The following STOX1 variants were observed in gnomAD, a reference collection of about 807,000 sequenced individuals.
STOX1 encodes the protein storkhead-box protein 1.
In STOX1, 57 loss-of-function variants were observed where a neutral mutation model predicts 74.8. The ratio of observed to expected loss-of-function variants is 0.76; its 90% CI spans 0.62 to 0.95. The LOEUF is 0.95. Ranked by LOEUF, STOX1 falls within the 40% of genes least tolerant of loss-of-function variation. The pLI is 0.00. For synonymous variants in STOX1, 375 were observed against 401.3 expected (o/e 0.93, Z 0.78); for missense variants, 1,010 against 1,117.0 (o/e 0.90, Z 1.37).
rs895010126 is a variant in STOX1 at position 68,851,998 on chromosome 10, G to A, written c.310+24065G>A. ...AAAATACAAAAATTAGCCAGGCGTG[G>A]TGGTGAATGCCTGTAATGCCAGCTA... On this transcript the variant is annotated intron_variant, in intron 1 of 3. Transcript: ENST00000298596. Among the ~76,000 whole-genome samples the A allele has an allele frequency of 8.5e-5, 13 of 152,238 alleles. No individual in the cohort carries two copies. In the South Asian group the frequency reaches 1.2e-3, roughly 15 times the overall value.
rs895665990 is a variant in STOX1 at position 68,827,541 on chromosome 10, G to C, written c.-83G>C. 44 of 951,986 alleles carry C rather than the reference G, an allele frequency of 4.6e-5. No homozygotes were observed. The highest frequency in any genetic ancestry group is 5.4e-5 in the Non-Finnish European group (42 of 775,474). The allele number at this position is 951,986 out of a possible 1,614,324, so 59.0% of individuals were successfully genotyped here. A position where few individuals can be genotyped will look rare whatever the true frequency, so the allele number is the denominator to read the frequency against. ...GCCGCGGACCCGCGCGCAGTCGGCC[G>C]ATCCTCCCGCCGAGCGAGCGGCGTC... is the stretch of plus-strand genomic sequence containing the variant. On this transcript the variant is annotated 5_prime_UTR_variant, in exon 1 of 4. Transcript: ENST00000298596.
chr10:68,855,754 A>G (rs539318388), intron 1 of STOX1, among the ~76,000 whole-genome samples: 167 of 134,206 alleles, frequency 1.2e-3, no homozygotes, highest in Non-Finnish European at 2.3e-3. Flanking sequence ...TAAAAAAAGG[A>G]AAAAAAAAAC....
chr10:68,848,678 G>GT (rs1353998871), intron 1 of STOX1, among the ~76,000 whole-genome samples: 1 of 152,078 alleles, frequency 6.6e-6, no homozygotes, highest in Non-Finnish European at 1.5e-5. Context: ...GTTTTGTTTT[G>GT]TTTTTTGAGA....
At chr10:68,838,347 G>A (rs768808798) in intron 1 of STOX1, among the ~76,000 whole-genome samples, 11 of 152,134 alleles carry the variant, frequency 7.2e-5, no homozygotes, top group African/African-American at 1.7e-4. Context: ...GATTACAGGC[G>A]TGAGCTAGGA....
chr10:68,859,776 C>T (rs946967150), intron 1 of STOX1, among the ~76,000 whole-genome samples: 2 of 151,930 alleles, frequency 1.3e-5, no homozygotes, highest in African/African-American at 4.8e-5. Flanking sequence ...AAGTAGGTAG[C>T]CTGGGTGAGC....
intron 1 of STOX1, among the ~76,000 whole-genome samples, chr10:68,856,469 C>G (rs758757515): frequency 1.3e-5 from 2 of 152,030 alleles, no homozygotes. Flanking sequence ...GTCTGCATTC[C>G]TCAGCATCCG....
At chr10:68,843,985 C>T (rs1271343219) in intron 1 of STOX1, among the ~76,000 whole-genome samples, 1 of 152,002 alleles carries the variant, frequency 6.6e-6, no homozygotes, top group East Asian at 2.0e-4. Context: ...TCGAGACCAT[C>T]CTGGCTAACA....
At chr10:68,840,655 G>C (rs1012585628) in intron 1 of STOX1, among the ~76,000 whole-genome samples, 23 of 151,824 alleles carry the variant, frequency 1.5e-4, no homozygotes, top group African/African-American at 5.6e-4. Flanking sequence ...CCACCATCCT[G>C]CTTCAAGCGA....
At chr10:68,891,960 A>G (rs1200426278) in intron 3 of STOX1, among the ~76,000 whole-genome samples, 3 of 151,910 alleles carry the variant, frequency 2.0e-5, no homozygotes, top group Non-Finnish European at 4.4e-5. Flanking sequence ...AGCTGAGATT[A>G]CAGGTGTGCA....
intron 1 of STOX1, among the ~76,000 whole-genome samples, chr10:68,849,078 G>A (rs1283465689): frequency 6.6e-6 from 1 of 152,178 alleles, no homozygotes; most frequent in East Asian, 1.9e-4. Flanking sequence ...TCACTCTGGA[G>A]CATATCCTTC....
downstream of STOX1, chr10:68,893,083 T>C (rs534181784): frequency 7.4e-5 from 18 of 242,088 alleles, no homozygotes; most frequent in South Asian, 8.4e-4. Context: ...AATTTTTTTT[T>C]AACCTACACT....
chr10:68,851,753 A>G (rs958882909), intron 1 of STOX1, among the ~76,000 whole-genome samples: 2 of 152,078 alleles, frequency 1.3e-5, no homozygotes, highest in African/African-American at 4.8e-5. Flanking sequence ...AGGCAGAAGA[A>G]TTGCTTGAAC....
At chr10:68,832,112 G>C (rs566803527) in intron 1 of STOX1, among the ~76,000 whole-genome samples, 6 of 152,176 alleles carry the variant, frequency 3.9e-5, no homozygotes, top group Admixed American at 2.0e-4. Context: ...TTTCACAAAT[G>C]AAAGAGTGAG....
intron 1 of STOX1, among the ~76,000 whole-genome samples, chr10:68,843,184 G>A (rs980250305): frequency 1.3e-5 from 2 of 152,204 alleles, no homozygotes; most frequent in Admixed American, 6.5e-5. Context: ...GACTGTAGGC[G>A]TGGGCCACCA....
chr10:68,886,173 G>A lies in STOX1; in HGVS notation c.2377G>A (p.Val793Met), dbSNP rs769598455. 80 of 1,614,042 alleles carry A rather than the reference G, an allele frequency of 5.0e-5. No homozygotes were observed. Among genetic ancestry groups the A allele is most frequent in the Non-Finnish European group, 8.5e-6 (10 of 1,180,028 alleles). ...CACAATGGAGAGGGTTGAGTCTCAG[G>A]TGCTTAAAAGAAATGAATGCTACAA... Reference protein sequence around the residue: ...NSTMERVESQVLKRNECYKPT... With the variant: ...NSTMERVESQMLKRNECYKPT... Residue 793 changes from valine to methionine, a missense_variant, in exon 3 of 4, where the codon GTG becomes ATG. By Grantham distance (21) the Val-to-Met change is conservative. Transcript: ENST00000298596.
rs1839295073 is a variant in STOX1 at position 68,827,702 on chromosome 10, G to A, written c.79G>A (p.Ala27Thr). ...GCTGGAGGCGCAGAAGGCGGCGGGGGCCGCGGAGGAGCCTGGTGGGCGCGC... is the reference window on the plus strand; with the variant it reads ...GCTGGAGGCGCAGAAGGCGGCGGGGACCGCGGAGGAGCCTGGTGGGCGCGC... The part of the protein sequence containing the change: ...CRLEAQKAAG[A>T]AEEPGGRAVF... Residue 27 changes from alanine (A) to threonine (T), a missense_variant, in exon 1 of 4, where the codon GCC (alanine) becomes ACC (threonine). Transcript: ENST00000298596. 4 of 929,812 alleles carry A rather than the reference G, an allele frequency of 4.3e-6. No homozygotes were observed. Among genetic ancestry groups the A allele is most frequent in the Non-Finnish European group, 2.7e-6 (2 of 746,668 alleles). The allele number at this position is 929,812 out of a possible 1,614,324, so 57.6% of individuals were successfully genotyped here.
chr10:68,892,567 C>G (rs758382717), intron 3 of STOX1, 22 bp from the exon 4 acceptor site: 6 of 1,610,702 alleles, frequency 3.7e-6, no homozygotes, highest in Non-Finnish European at 5.1e-6. Flanking sequence ...GCCAATAATT[C>G]TGTTATTTTT....
chr10:68,859,822 G>A (rs752971060), intron 1 of STOX1, among the ~76,000 whole-genome samples: 76 of 152,096 alleles, frequency 5.0e-4, no homozygotes, highest in Non-Finnish European at 6.9e-4. Context: ...TTGGGCCTTT[G>A]ATTTCTGCTT....
At position 68,886,406 on chromosome 10, in the gene STOX1, A is replaced by G. The variant is rs1463117344; in HGVS notation, c.2610A>G (p.Ile870Met). 1.9e-6 allele frequency: 3 copies of G among 1,614,264 alleles called. No individual in the cohort carries two copies. Among genetic ancestry groups the G allele is most frequent in the East Asian group, 4.5e-5 (2 of 44,892 alleles). ...ARKASFEAEV[I>M]QDTIGDTGKK... ...AAGCCAGTTTTGAAGCTGAAGTCATACAAGACACTATTGGTGACACAGGAA... is the reference window on the plus strand; with the variant it reads ...AAGCCAGTTTTGAAGCTGAAGTCATGCAAGACACTATTGGTGACACAGGAA... The change falls in exon 3 of 4, where the codon ATA (isoleucine) becomes ATG (methionine). Residue 870 changes from isoleucine to methionine, a missense_variant. Ile to Met is a conservative substitution (Grantham distance 10). Transcript: ENST00000298596.
Sources: gnomAD v4.1 joint callset for allele counts (sites outside exome capture counted in the v4.1 genomes callset) on GRCh38, gnomAD v4.1.1 for gene constraint, MANE v1.5 for transcripts, NCBI Gene and HGNC (gene_info 2026-07-23, HGNC 2026-07-21) for gene names.